FREM2: variants seen among roughly 807,000 people sequenced by gnomAD.
The protein encoded by FREM2 is FRAS1-related extracellular matrix protein 2.
Under a neutral mutation model 219.9 loss-of-function variants are expected in FREM2, and 119 were observed. The observed-to-expected ratio is 0.54, with a 90% CI of 0.47 to 0.63. The LOEUF (loss-of-function observed/expected upper bound fraction) is 0.63, where lower values mean the gene tolerates loss of function less well. Among genes scored for constraint, FREM2 ranks in the 30% least tolerant of loss-of-function variants. FREM2 has a pLI of 0.00. For synonymous variants in FREM2, 1,562 were observed against 1,522.8 expected, an observed-to-expected ratio of 1.03 and a Z score of -0.60; for missense variants, 4,030 against 3,993.6, an observed-to-expected ratio of 1.01 and a Z score of -0.25.
At chr13:38,857,383 G>A (rs1291747207) in intron 12 of FREM2, among the ~76,000 whole-genome samples, 1 of 152,130 alleles carries the variant, frequency 6.6e-6, no homozygotes, top group African/African-American at 2.4e-5. Flanking sequence ...GTTTCAGGCA[G>A]TGCCTTCTGC....
In FREM2 at chr13:38,692,371, G is replaced by T. The variant is rs115692608; in HGVS notation, c.5027G>T (p.Gly1676Val). ...TLRTLATGHL[G>V]FMITSKILKV... The stretch of plus-strand genomic sequence containing the variant: ...CGCACTCTAGCCACTGGCCACTTGG[G>T]GTTCATGATCACAAGCAAAATATTG... Residue 1676 changes from glycine to valine, a missense_variant, in exon 1 of 24, where the codon GGG becomes GTG. By Grantham distance (109) the Gly-to-Val change is moderately radical. Around this residue, in one of 2 missense-constraint regions of FREM2, gnomAD observed 3,102 missense variants for 2,950.7 expected, o/e 1.05. Transcript: ENST00000280481. 3 of 1,607,282 alleles carry T rather than the reference G, an allele frequency of 1.9e-6. No individual in the cohort carries two copies. Among genetic ancestry groups the T allele is most frequent in the Non-Finnish European group, 2.6e-6 (3 of 1,175,928 alleles).
intron 2 of FREM2, among the ~76,000 whole-genome samples, chr13:38,728,148 C>G: frequency 6.6e-6 from 1 of 151,954 alleles, no homozygotes; most frequent in South Asian, 2.1e-4. Flanking sequence ...TGTTCAGCAC[C>G]CAACACCAAT....
chr13:38,770,146 A>C (rs1364387504), intron 4 of FREM2, among the ~76,000 whole-genome samples: 1 of 147,886 alleles, frequency 6.8e-6, no homozygotes, highest in Non-Finnish European at 1.5e-5. Context: ...TTATGTATAT[A>C]AATTATTTAC....
At chr13:38,711,313 A>G (rs1870761231) in intron 2 of FREM2, among the ~76,000 whole-genome samples, 1 of 152,190 alleles carries the variant, frequency 6.6e-6, no homozygotes, top group Non-Finnish European at 1.5e-5. Context: ...TGTCTGTTTC[A>G]TTTAATGTAG....
chr13:38,850,172 C>A lies in FREM2; in HGVS notation c.6514C>A (p.Gln2172Lys), dbSNP rs1877318003. Residue 2172 changes from glutamine (Q) to lysine (K), a missense_variant, in exon 9 of 24, where the codon CAG (glutamine) becomes AAG (lysine). Physicochemically the swap from Gln to Lys is moderately conservative, Grantham distance 53. Coordinates refer to ENST00000280481, the MANE Select transcript of FREM2 (RefSeq NM_207361.6). ...VRCYTRQGSA[Q>K]VMMDFEERPN... ...ATGCTACACCCGGCAGGGGTCTGCACAGGTGATGATGGACTTTGAAGAACG... is the reference window on the plus strand; with the variant it reads ...ATGCTACACCCGGCAGGGGTCTGCAAAGGTGATGATGGACTTTGAAGAACG... 6.2e-7 allele frequency: 1 copy of A among 1,614,042 alleles called. No homozygotes were observed. Among genetic ancestry groups the A allele is most frequent in the Non-Finnish European group, 8.5e-7 (1 of 1,179,930 alleles).
intron 4 of FREM2, among the ~76,000 whole-genome samples, chr13:38,777,784 C>G (rs988068687): frequency 1.3e-5 from 2 of 152,144 alleles, no homozygotes; most frequent in African/African-American, 2.4e-5. Context: ...ATCAGGGAAG[C>G]CTTTCTTTGT....
At chr13:38,730,305 T>C (rs1871712623) in intron 2 of FREM2, among the ~76,000 whole-genome samples, 1 of 152,216 alleles carries the variant, frequency 6.6e-6, no homozygotes, top group South Asian at 2.1e-4. Flanking sequence ...TCTTTATAAA[T>C]GATATTTCTT....
intron 2 of FREM2, among the ~76,000 whole-genome samples, chr13:38,728,519 C>T (rs1238909282): frequency 6.6e-6 from 1 of 152,000 alleles, no homozygotes; most frequent in Non-Finnish European, 1.5e-5. Flanking sequence ...GATCCTCTAA[C>T]CTCAGCCACC....
intron 2 of FREM2, among the ~76,000 whole-genome samples, chr13:38,724,182 A>G (rs1226577506): frequency 6.6e-6 from 1 of 152,206 alleles, no homozygotes; most frequent in Non-Finnish European, 1.5e-5. Context: ...GGCAACGTAC[A>G]TTGGTACAGC....
At chr13:38,750,857 T>C (rs150738289) in intron 2 of FREM2, among the ~76,000 whole-genome samples, 48 of 152,250 alleles carry the variant, frequency 3.2e-4, no homozygotes, top group South Asian at 1.5e-3. Context: ...CACACCCAAC[T>C]GATTTTTGTA....
At chr13:38,817,712 T>C (rs1040689370) in intron 6 of FREM2, among the ~76,000 whole-genome samples, 4 of 152,086 alleles carry the variant, frequency 2.6e-5, no homozygotes, top group African/African-American at 9.7e-5. Context: ...CATATAGGAT[T>C]ATATCAAACT....
chr13:38,691,171 G>A lies in FREM2; in HGVS notation c.3827G>A (p.Ser1276Asn). ...GATGACTCCGAGACCCAGGAAGACA[G>A]TTTTGTGATTAAACTAACAGATGGG... is the stretch of plus-strand genomic sequence containing the variant. ...EHDDSETQED[S>N]FVIKLTDGKH... Residue 1276 changes from serine to asparagine, a missense_variant, in exon 1 of 24, where the codon AGT becomes AAT. Coordinates refer to ENST00000280481, the MANE Select transcript of FREM2 (RefSeq NM_207361.6). 1 of 1,614,062 alleles carries A rather than the reference G, an allele frequency of 6.2e-7. No homozygotes were observed. Among genetic ancestry groups the A allele is most frequent in the Non-Finnish European group, 8.5e-7 (1 of 1,180,012 alleles).
rs753262357 is a variant in FREM2, at chr13:38,864,505, C to T, written c.7882C>T (p.Arg2628Trp). Residue 2628 changes from arginine to tryptophan, a missense_variant, in exon 16 of 24, where the codon CGG becomes TGG. By Grantham distance (101) the Arg-to-Trp change is moderately radical. Around this residue, in one of 2 missense-constraint regions of FREM2, gnomAD observed 928 missense variants for 1,042.9 expected, o/e 0.89. Coordinates refer to ENST00000280481, the MANE Select transcript of FREM2 (RefSeq NM_207361.6). ...AGGTTCCACTACCTTGCGCTTCTAC[C>T]GGAACCTGAACCTAGAGGCCTGTTT... ...IRGSTTLRFY[R>W]NLNLEACLWE... The T allele has an allele frequency of 5.6e-6, 9 of 1,614,136 alleles. No individual in the cohort carries two copies. The highest frequency in any genetic ancestry group is 2.2e-5 in the East Asian group (1 of 44,892).
chr13:38,775,390 C>T (rs1873833022), intron 4 of FREM2, among the ~76,000 whole-genome samples: 1 of 152,084 alleles, frequency 6.6e-6, no homozygotes, highest in Non-Finnish European at 1.5e-5. Context: ...AGAGTCAAAC[C>T]ATTTTTTAAA....
chr13:38,713,429 A>T (rs1423463734), intron 2 of FREM2, among the ~76,000 whole-genome samples: 1 of 152,060 alleles, frequency 6.6e-6, no homozygotes, highest in Non-Finnish European at 1.5e-5. Context: ...TATAATGCAT[A>T]CTCTTATCAT....
chr13:38,877,989 A>G (rs1878400176), intron 21 of FREM2, 145 bp from the exon 22 acceptor site: 2 of 725,088 alleles, frequency 2.8e-6, no homozygotes, highest in Non-Finnish European at 4.8e-6. Context: ...CTTGAAGCTC[A>G]TGCAAACAGG....
chr13:38,867,048 AT>A (rs944580403), intron 16 of FREM2, among the ~76,000 whole-genome samples: 1 of 151,938 alleles, frequency 6.6e-6, no homozygotes, highest in Non-Finnish European at 1.5e-5. Context: ...TGTGCTCAGT[AT>A]TTTTTTTCTT....
intron 6 of FREM2, among the ~76,000 whole-genome samples, chr13:38,838,739 C>T (rs1305769369): frequency 6.6e-6 from 1 of 152,006 alleles, no homozygotes; most frequent in African/African-American, 2.4e-5. Flanking sequence ...TCCTTTTTTC[C>T]ACTTGATCGA....
intron 16 of FREM2, among the ~76,000 whole-genome samples, chr13:38,868,939 C>G (rs555561065): frequency 5.3e-5 from 8 of 152,298 alleles, no homozygotes; most frequent in Admixed American, 3.9e-4. Flanking sequence ...TATTGACCAC[C>G]CCAGGAAACA....
Sources: allele counts gnomAD v4.1 joint callset (sites outside exome capture counted in the v4.1 genomes callset), GRCh38; gene constraint gnomAD v4.1.1; regional missense constraint gnomAD v4.1.1; transcripts MANE v1.5; gene names NCBI Gene and HGNC (gene_info 2026-07-23, HGNC 2026-07-21).